The following NCK2 variants were observed in gnomAD, a reference collection of about 807,000 sequenced individuals.
NCK2 encodes the protein NCK adaptor protein 2.
A neutral mutation model predicts 33.9 loss-of-function variants in NCK2; 16 were observed. That is an observed-to-expected ratio of 0.47 (90% CI 0.32 to 0.72). The LOEUF (loss-of-function observed/expected upper bound fraction) is 0.72. Among genes scored for constraint, NCK2 ranks in the 30% least tolerant of loss-of-function variants. The probability of loss-of-function intolerance (pLI) is 0.03; values close to 1 mark genes in which losing one functional copy is unlikely to be tolerated. For missense variants in NCK2, 418 were observed against 537.3 expected, an observed-to-expected ratio of 0.78 and a Z score of 2.19; for synonymous variants, 273 against 239.9, an observed-to-expected ratio of 1.14 and a Z score of -1.27.
intron 3 of NCK2, among the ~76,000 whole-genome samples, chr2:105,865,923 T>C (rs2104614878): frequency 6.6e-6 from 1 of 151,610 alleles, no homozygotes; most frequent in South Asian, 2.1e-4. Flanking sequence ...ATTATTATTA[T>C]TATTATTTGA....
chr2:105,822,209 A>G (rs930638215), intron 2 of NCK2, among the ~76,000 whole-genome samples: 2 of 152,084 alleles, frequency 1.3e-5, no homozygotes, highest in African/African-American at 4.8e-5. Flanking sequence ...GTGTGAAGGA[A>G]GACTTTGGGA....
chr2:105,807,087 C>T (rs547984269), intron 1 of NCK2, among the ~76,000 whole-genome samples: 19 of 152,274 alleles, frequency 1.2e-4, no homozygotes, highest in Non-Finnish European at 2.5e-4. Context: ...CTGAGTAACA[C>T]TTGGAATCCC....
At chr2:105,882,140 A>G (rs1403978962) in intron 4 of NCK2, 91 bp downstream of exon 4, 3 of 1,331,636 alleles carry the variant, frequency 2.3e-6, no homozygotes, top group Non-Finnish European at 2.9e-6. Flanking sequence ...ACATTGTGTG[A>G]GTACACTAGA....
chr2:105,841,863 G>A (rs903915836), intron 2 of NCK2, among the ~76,000 whole-genome samples: 8 of 152,182 alleles, frequency 5.3e-5, no homozygotes, highest in East Asian at 3.8e-4. Flanking sequence ...AGATATTAGA[G>A]GATGGAAAAG....
chr2:105,748,904 G>A (rs1307027463), intron 1 of NCK2, among the ~76,000 whole-genome samples: 1 of 152,188 alleles, frequency 6.6e-6, no homozygotes, highest in Non-Finnish European at 1.5e-5. Context: ...GAGACCTCCA[G>A]CATTCTTGTA....
In NCK2 at chr2:105,882,073, C is replaced by T. The variant is rs780578224; in HGVS notation, c.948+24C>T. On this transcript the variant is annotated intron_variant, in intron 4 of 4. Transcript: ENST00000233154. The stretch of plus-strand genomic sequence containing the variant: ...CGGTAAGTGCGCTGCGCCCACAGCT[C>T]CGGCTGCAGGCAGTAAATGCGCCTT... 85 of 1,481,096 alleles carry T rather than the reference C, an allele frequency of 5.7e-5. No individual in the cohort carries two copies. In the South Asian group the frequency reaches 1.1e-3, roughly 19 times the overall value. 91.7% of individuals were successfully genotyped at this position (1,481,096 alleles called of 1,614,324 possible).
intron 3 of NCK2, among the ~76,000 whole-genome samples, chr2:105,859,898 T>C (rs950547288): frequency 1.1e-4 from 16 of 152,216 alleles, no homozygotes; most frequent in African/African-American, 3.9e-4. Flanking sequence ...CGGGCACACC[T>C]GCCTTGGAGG....
At chr2:105,839,032 T>G (rs1323589958) in intron 2 of NCK2, among the ~76,000 whole-genome samples, 7 of 152,088 alleles carry the variant, frequency 4.6e-5, no homozygotes, top group Admixed American at 3.3e-4. Context: ...GGCAGAGAAT[T>G]GGATGGAATC....
At chr2:105,813,752 A>G (rs977852273) in intron 1 of NCK2, among the ~76,000 whole-genome samples, 1 of 152,200 alleles carries the variant, frequency 6.6e-6, no homozygotes, top group Non-Finnish European at 1.5e-5. Flanking sequence ...GCTTTAGTGG[A>G]AAAAAAGCAA....
At chr2:105,882,664 G>C (rs908306532) in intron 4 of NCK2, among the ~76,000 whole-genome samples, 20 of 152,276 alleles carry the variant, frequency 1.3e-4, no homozygotes, top group African/African-American at 4.8e-4. Context: ...CCACTCGACT[G>C]GGGCAGCAGA....
intron 2 of NCK2, among the ~76,000 whole-genome samples, chr2:105,844,312 A>G (rs546934709): frequency 1.3e-5 from 2 of 152,282 alleles, no homozygotes; most frequent in Non-Finnish European, 2.9e-5. Context: ...AGGGAAAGCT[A>G]AGGACATCTG....
intron 3 of NCK2, among the ~76,000 whole-genome samples, chr2:105,862,236 G>A (rs1677569468): frequency 6.6e-6 from 1 of 152,152 alleles, no homozygotes. Flanking sequence ...CAGACTAGTG[G>A]GAAGGGGGTC....
At chr2:105,753,913 T>C (rs1358661112) in intron 1 of NCK2, among the ~76,000 whole-genome samples, 1 of 152,204 alleles carries the variant, frequency 6.6e-6, no homozygotes, top group Non-Finnish European at 1.5e-5. Flanking sequence ...ATGTAGATTC[T>C]TGGGAGACTG....
At chr2:105,750,985 C>T (rs1307856126) in intron 1 of NCK2, among the ~76,000 whole-genome samples, 4 of 152,122 alleles carry the variant, frequency 2.6e-5, no homozygotes, top group Non-Finnish European at 5.9e-5. Context: ...GCACCCTGAG[C>T]GTGGCTGGAA....
At chr2:105,835,734 C>T (rs945901612) in intron 2 of NCK2, among the ~76,000 whole-genome samples, 1 of 151,934 alleles carries the variant, frequency 6.6e-6, no homozygotes, top group Non-Finnish European at 1.5e-5. Flanking sequence ...TTTTCTCCAT[C>T]TCTCCTCCAT....
In NCK2 at chr2:105,893,181, G is replaced by T; in HGVS notation, c.*5G>T. On this transcript the variant is annotated 3_prime_UTR_variant, in exon 5 of 5. Coordinates refer to ENST00000233154, the MANE Select transcript of NCK2 (RefSeq NM_003581.5). ...CTCGTCAGGGCCCTGCAGTGACGGC[G>T]CCCCGGCCCCACACTCGCCTCCCGG... 6.3e-7 allele frequency: 1 copy of T among 1,578,738 alleles called. No individual in the cohort carries two copies. Among genetic ancestry groups the T allele is most frequent in the Non-Finnish European group, 8.6e-7 (1 of 1,161,582 alleles).
chr2:105,744,863 G>GCTCGCC (rs1689208832), upstream of NCK2: 1 of 117,594 alleles, frequency 8.5e-6, no homozygotes, highest in African/African-American at 2.9e-5. Context: ...GCCGGGGGAG[G>GCTCGCC]GTCGCCGCCG....
At chr2:105,744,699 C>T (rs941911274), upstream of NCK2, among the ~76,000 whole-genome samples, 17 of 151,612 alleles carry the variant, frequency 1.1e-4, no homozygotes, top group African/African-American at 3.6e-4. Context: ...GGGACCCGGG[C>T]GCGGAGCCTG....
At chr2:105,786,750 TCTA>T (rs757106755) in intron 1 of NCK2, among the ~76,000 whole-genome samples, 75 of 152,278 alleles carry the variant, frequency 4.9e-4, no homozygotes, top group Non-Finnish European at 9.7e-4. Context: ...AGGTCCAGCT[TCTA>T]CTCTCTCCTC....
Sources: gnomAD v4.1 joint callset for allele counts (sites outside exome capture counted in the v4.1 genomes callset) on GRCh38, gnomAD v4.1.1 for gene constraint, MANE v1.5 for transcripts, NCBI Gene and HGNC (gene_info 2026-07-23, HGNC 2026-07-21) for gene names.